Variants in SGSM1 observed in about 807,000 individuals in gnomAD.
SGSM1 encodes the protein RUN and TBC1 domain containing 2.
Under a neutral mutation model 133.8 loss-of-function variants are expected in SGSM1, and 73 were observed. The ratio of observed to expected loss-of-function variants is 0.55; its 90% CI spans 0.45 to 0.66. SGSM1 has a LOEUF of 0.66. Ranked by LOEUF, SGSM1 falls within the 30% of genes least tolerant of loss-of-function variation. The probability of loss-of-function intolerance (pLI) is 0.00; values close to 1 mark genes in which losing one functional copy is unlikely to be tolerated. For synonymous variants in SGSM1, 563 were observed against 573.0 expected, an observed-to-expected ratio of 0.98 and a Z score of 0.25; for missense variants, 1,213 against 1,448.1, an observed-to-expected ratio of 0.84 and a Z score of 2.64.
chr22:24,822,239 C>T (rs1263081910), intron 2 of SGSM1, among the ~76,000 whole-genome samples: 8 of 151,798 alleles, frequency 5.3e-5, no homozygotes, highest in African/African-American at 1.7e-4. Context: ...CACAGGTGCC[C>T]GCCACCACGC....
At chr22:24,914,806 A>G (rs961211401) in intron 22 of SGSM1, among the ~76,000 whole-genome samples, 45 of 152,256 alleles carry the variant, frequency 3.0e-4, no homozygotes, top group African/African-American at 1.1e-3. Flanking sequence ...CTTTTGTGTT[A>G]GGAGTACAAC....
rs796846233 is a variant in SGSM1 at position 24,902,307 on chromosome 22, C to T, written c.2735+350C>T. On this transcript the variant is annotated intron_variant, in intron 20 of 24. Coordinates refer to ENST00000400358, the MANE Select transcript of SGSM1 (RefSeq NM_001098497.3). Reference sequence around the variant, plus strand: ...TGAGCGGGAACTCATAGCCATGTCTCTGGCTGTAGAATCTGTCCTTTTTCT... The same window carrying T: ...TGAGCGGGAACTCATAGCCATGTCTTTGGCTGTAGAATCTGTCCTTTTTCT... Among the ~76,000 whole-genome samples the T allele has an allele frequency of 1.2e-4, 19 of 152,308 alleles. 1 individual carries two copies. The highest frequency in any genetic ancestry group is 4.3e-4 in the African/African-American group (18 of 41,562).
At chr22:24,850,196 A>C in intron 4 of SGSM1, 84 bp from the exon 5 acceptor site, 1 of 1,347,664 alleles carries the variant, frequency 7.4e-7, no homozygotes, top group Non-Finnish European at 1.0e-6. Flanking sequence ...TTCCTGAGAG[A>C]TTGAACATTC....
At chr22:24,881,382 T>A (rs1244557231) in intron 14 of SGSM1, among the ~76,000 whole-genome samples, 1 of 145,338 alleles carries the variant, frequency 6.9e-6, no homozygotes, top group South Asian at 2.3e-4. Context: ...CTGGCTAACA[T>A]GGTGAAACCC....
chr22:24,891,188 C>T (rs960212773), intron 16 of SGSM1, among the ~76,000 whole-genome samples: 3 of 152,094 alleles, frequency 2.0e-5, no homozygotes, highest in Non-Finnish European at 2.9e-5. Context: ...GCGTGACCCC[C>T]ATCTCTACAA....
At chr22:24,895,360 G>T in intron 18 of SGSM1, 69 bp downstream of exon 18, 1 of 1,489,900 alleles carries the variant, frequency 6.7e-7, no homozygotes, top group Non-Finnish European at 9.2e-7. Flanking sequence ...ATGGGGGTTG[G>T]GTGTCCGTCA....
Position 24,901,699 on chromosome 22 carries a change from G to A in SGSM1, c.2611-134G>A, listed in dbSNP as rs912651381. 6 of 937,116 alleles carry A rather than the reference G, an allele frequency of 6.4e-6. No homozygotes were observed. The African/African-American group carries it at 6.8e-5, about 11-fold the overall frequency. 58.1% of individuals were successfully genotyped at this position (937,116 alleles called of 1,614,324 possible). On this transcript the variant is annotated intron_variant, in intron 19 of 24. Coordinates refer to ENST00000400358, the MANE Select transcript of SGSM1 (RefSeq NM_001098497.3). ...ACAAACAAAATCAAACACCTGGCTG[G>A]TCCAGGTGGGAGATGTATTTTCAGT...
chr22:24,808,841 G>T (rs894028429), intron 2 of SGSM1, among the ~76,000 whole-genome samples: 3 of 152,180 alleles, frequency 2.0e-5, no homozygotes, highest in East Asian at 1.9e-4. Flanking sequence ...TTGCCCAAGA[G>T]CACACAGCCA....
intron 2 of SGSM1, among the ~76,000 whole-genome samples, chr22:24,839,819 G>T (rs1020932160): frequency 2.0e-4 from 31 of 151,474 alleles, no homozygotes; most frequent in African/African-American, 7.3e-4. Flanking sequence ...TGTGGCATCA[G>T]TTGTAATGTC....
chr22:24,903,664 C>CT (rs139744), intron 20 of SGSM1, among the ~76,000 whole-genome samples: 57,893 of 151,946 alleles, frequency 0.38, 11,448 homozygotes, highest in East Asian at 0.64. Context: ...TGGTGGTGAC[C>CT]TTTGAGATGG....
chr22:24,833,878 CT>C (rs1929270870), intron 2 of SGSM1, among the ~76,000 whole-genome samples: 1 of 152,224 alleles, frequency 6.6e-6, no homozygotes, highest in East Asian at 1.9e-4. Flanking sequence ...GTGGTGCTCA[CT>C]TGAGGGCGTC....
At chr22:24,893,405 G>A (rs750408409) in intron 16 of SGSM1, 26 bp from the exon 17 acceptor site, 43 of 1,611,080 alleles carry the variant, frequency 2.7e-5, no homozygotes, top group Middle Eastern at 1.6e-4. Flanking sequence ...TTGACACCTC[G>A]GGTGACATTG....
Position 24,925,118 on chromosome 22 carries a change from G to C in SGSM1, c.*844G>C, listed in dbSNP as rs914246614. On this transcript the variant is annotated 3_prime_UTR_variant, in exon 25 of 25. Transcript: ENST00000400358. ...CACACCTGTAATCCCAGCACTTTGG[G>C]AGGCTAAGGTGGGCGGATCACAAGG... 6.6e-6 allele frequency: 1 copy of C among 152,334 alleles called. No individual in the cohort carries two copies. The highest frequency in any genetic ancestry group is 1.5e-5 in the Non-Finnish European group (1 of 68,148). The allele number at this position is 152,334 out of a possible 1,614,324, so 9.4% of individuals were successfully genotyped here. A position where few individuals can be genotyped will look rare whatever the true frequency, so the allele number is the denominator to read the frequency against.
intron 3 of SGSM1, among the ~76,000 whole-genome samples, chr22:24,845,855 T>A (rs1930064555): frequency 7.0e-6 from 1 of 143,562 alleles, no homozygotes; most frequent in Non-Finnish European, 1.5e-5. Flanking sequence ...GGACCTCAGT[T>A]CACCCTCTCT....
At chr22:24,923,635 T>G (rs910534894) in intron 24 of SGSM1, among the ~76,000 whole-genome samples, 14 of 152,144 alleles carry the variant, frequency 9.2e-5, no homozygotes, top group African/African-American at 3.4e-4. Context: ...TTTTTATTTT[T>G]TTTTGAGACG....
chr22:24,889,559 G>A (rs556949817), intron 16 of SGSM1, among the ~76,000 whole-genome samples: 76 of 151,774 alleles, frequency 5.0e-4, no homozygotes, highest in African/African-American at 1.8e-3. Context: ...ATAGGCATGC[G>A]CCACCACACC....
In SGSM1 at chr22:24,917,787, A is replaced by G. The variant is rs374538103; in HGVS notation, c.3025+33A>G. The G allele has an allele frequency of 7.0e-6, 11 of 1,575,510 alleles. No homozygotes were observed. In the African/African-American group the frequency reaches 1.2e-4, roughly 17 times the overall value. ...CTTTAAATTGGGGACCTGTGTCCAG[A>G]CTCTTTGTAGCAGAACTTTCAGGGG... is the stretch of plus-strand genomic sequence containing the variant. On this transcript the variant is annotated intron_variant, in intron 23 of 24. Transcript: ENST00000400358.
rs1931972867 is a variant in SGSM1, at chr22:24,875,219, A to G, written c.1292-1358A>G. Among the ~76,000 whole-genome samples, 7 of 152,218 alleles carry G rather than the reference A, an allele frequency of 4.6e-5. No individual in the cohort carries two copies. The South Asian group carries it at 1.4e-3, about 32-fold the overall frequency. On this transcript the variant is annotated intron_variant, in intron 12 of 24. Coordinates refer to ENST00000400358, the MANE Select transcript of SGSM1 (RefSeq NM_001098497.3). The stretch of plus-strand genomic sequence containing the variant: ...AGCAGGGATTAGAAAACTAAGATTC[A>G]TGGGCTGAATTCAGCCCCATTCTGT...
chr22:24,904,753 C>G lies in SGSM1; in HGVS notation c.2736-352C>G, dbSNP rs551786280. 9.2e-5 allele frequency among the ~76,000 whole-genome samples: 14 copies of G among 152,086 alleles called. No individual in the cohort carries two copies. In the East Asian group the frequency reaches 2.7e-3, roughly 29 times the overall value. On this transcript the variant is annotated intron_variant, in intron 20 of 24. Transcript: ENST00000400358. ...GTGCAAAGTGAATACGTCAATGTTG[C>G]TGGAGAGGAAGACAGTGGGAAGCGA...
Sources: allele counts gnomAD v4.1 joint callset (sites outside exome capture counted in the v4.1 genomes callset), GRCh38; gene constraint gnomAD v4.1.1; transcripts MANE v1.5; gene names NCBI Gene and HGNC (gene_info 2026-07-23, HGNC 2026-07-21).